Variants in TET2 observed in about 807,000 individuals in gnomAD.
The protein encoded by TET2 is methylcytosine dioxygenase TET2.
In TET2, 299 loss-of-function variants were observed where a neutral mutation model predicts 142.9. That is an observed-to-expected ratio of 2.09 (90% CI 1.90 to 2.30). The LOEUF (loss-of-function observed/expected upper bound fraction) is 2.30, where lower values mean the gene tolerates loss of function less well. Ranked by LOEUF, TET2 falls within the 30% of genes most tolerant of loss-of-function variation. TET2 has a pLI of 0.00. For synonymous variants in TET2, 819 were observed against 849.0 expected (o/e 0.96, Z 0.61); for missense variants, 2,418 against 2,378.0 (o/e 1.02, Z -0.35).
chr4:105,170,182 A>G (rs1174403788), intron 1 of TET2, among the ~76,000 whole-genome samples: 1 of 152,108 alleles, frequency 6.6e-6, no homozygotes, highest in African/African-American at 2.4e-5. Context: ...TGCTTTTCTT[A>G]AACAATTTTT....
chr4:105,201,365 T>C (rs1726454146), intron 2 of TET2, among the ~76,000 whole-genome samples: 1 of 152,238 alleles, frequency 6.6e-6, no homozygotes, highest in Non-Finnish European at 1.5e-5. Flanking sequence ...TGCAAGGTGT[T>C]TCCTAAAAAG....
chr4:105,172,596 C>T (rs907304400), intron 1 of TET2: 1 of 151,984 alleles, frequency 6.6e-6, no homozygotes, highest in Non-Finnish European at 1.5e-5. Context: ...TTAAGGTCAA[C>T]GGTATTTGTT....
intron 6 of TET2, among the ~76,000 whole-genome samples, chr4:105,255,588 T>A (rs1468444558): frequency 6.6e-6 from 1 of 152,208 alleles, no homozygotes; most frequent in Admixed American, 6.5e-5. Flanking sequence ...TAGTAAATTA[T>A]CTATTTATTC....
rs1728832637 is a variant in TET2, at chr4:105,235,758, A to G, written c.1816A>G (p.Thr606Ala). 3 of 1,614,114 alleles carry G rather than the reference A, an allele frequency of 1.9e-6. No individual in the cohort carries two copies. The highest frequency in any genetic ancestry group is 1.3e-5 in the African/African-American group (1 of 75,036). ...CAATCAAATGACCTCCAAACAATAC[A>G]CTGGAAATTCCAACATGCCTGGGGG... ...LSNQMTSKQY[T>A]GNSNMPGGLP... Residue 606 changes from threonine (T) to alanine (A), a missense_variant, in exon 3 of 11, where the codon ACT becomes GCT. Thr to Ala is a moderately conservative substitution (Grantham distance 58). Transcript: ENST00000380013.
At position 105,243,716 on chromosome 4, in the gene TET2, G is replaced by A; in HGVS notation, c.3741G>A (p.Glu1247=). The change falls in exon 6 of 11, where the codon GAG becomes GAA. Residue 1247 remains glutamate (E), a synonymous_variant. Coordinates refer to ENST00000380013, the MANE Select transcript of TET2 (RefSeq NM_001127208.3). The stretch of plus-strand genomic sequence containing the variant: ...CTCTGGCTGACAAACTCTACTCGGA[G>A]CTTACCGAGACGCTGAGGAAATACG... The part of the protein sequence containing the change: ...PLSLADKLYS[E]LTETLRKYGT... 6.4e-7 allele frequency: 1 copy of A among 1,551,532 alleles called. No homozygotes were observed. The highest frequency in any genetic ancestry group is 8.7e-7 in the Non-Finnish European group (1 of 1,146,910).
At chr4:105,265,800 A>G (rs1730654767) in intron 8 of TET2, among the ~76,000 whole-genome samples, 1 of 152,198 alleles carries the variant, frequency 6.6e-6, no homozygotes, top group Non-Finnish European at 1.5e-5. Context: ...AAGAAATTCA[A>G]GAGACAGTGG....
At chr4:105,240,987 GT>G (rs879536394) in intron 3 of TET2, 305 of 1,028,290 alleles carry the variant, frequency 3.0e-4, no homozygotes, top group Middle Eastern at 4.4e-4. Flanking sequence ...AGCTTTAAAT[GT>G]TTTTTTTTTC....
chr4:105,234,800 A>C lies in TET2; in HGVS notation c.858A>C (p.Pro286=), dbSNP rs763154189. 149 of 1,613,866 alleles carry C rather than the reference A, an allele frequency of 9.2e-5. 1 individual carries two copies. The East Asian group carries it at 3.3e-3, about 36-fold the overall frequency. Residue 286 remains proline (P), a synonymous_variant, in exon 3 of 11, where the codon CCA becomes CCC. Coordinates refer to ENST00000380013, the MANE Select transcript of TET2 (RefSeq NM_001127208.3). ...AGACCTCTAACTCTGAGCTGCCTCC[A>C]AAGCCAGCTGCAGTGGTGAGTGAGG... ...SAQTSNSELP[P]KPAAVVSEAC...
intron 2 of TET2, among the ~76,000 whole-genome samples, chr4:105,233,387 A>G (rs1178057808): frequency 6.7e-6 from 1 of 149,164 alleles, no homozygotes; most frequent in Non-Finnish European, 1.5e-5. Context: ...CCATCTCAAA[A>G]AAAAAAAAAA....
chr4:105,242,652 A>T, intron 4 of TET2, 182 bp from the exon 5 acceptor site: 1 of 1,352,850 alleles, frequency 7.4e-7, no homozygotes, highest in Non-Finnish European at 9.5e-7. Context: ...ATTGAGGAAA[A>T]ACAAGGCTTA....
chr4:105,201,652 G>T (rs1319877904), intron 2 of TET2, among the ~76,000 whole-genome samples: 1 of 147,982 alleles, frequency 6.8e-6, no homozygotes, highest in Non-Finnish European at 1.5e-5. Flanking sequence ...GTAATAGAAG[G>T]TTACCAAGTT....
At chr4:105,242,598 G>T (rs1729364308) in intron 4 of TET2, 1 of 1,230,234 alleles carries the variant, frequency 8.1e-7, no homozygotes. Flanking sequence ...TCACCCACAT[G>T]TAATTTACAA....
At chr4:105,169,606 T>A (rs996433015) in intron 1 of TET2, among the ~76,000 whole-genome samples, 5 of 152,194 alleles carry the variant, frequency 3.3e-5, no homozygotes, top group African/African-American at 9.6e-5. Context: ...TATTTATCTT[T>A]GTTTTTGTTG....
At chr4:105,217,157 TCATTTC>T (rs757562551) in intron 2 of TET2, among the ~76,000 whole-genome samples, 188 of 152,086 alleles carry the variant, frequency 1.2e-3, no homozygotes, top group South Asian at 7.5e-3. Context: ...ACCTTTCTCT[TCATTTC>T]AAAGGCATAA....
chr4:105,251,299 CCTTGT>C (rs1729857742), intron 6 of TET2, among the ~76,000 whole-genome samples: 1 of 152,036 alleles, frequency 6.6e-6, no homozygotes, highest in African/African-American at 2.4e-5. Flanking sequence ...CTGCAAACAT[CCTTGT>C]CTTATTCATT....
At chr4:105,256,956 G>T (rs1200196122) in intron 6 of TET2, among the ~76,000 whole-genome samples, 2 of 152,046 alleles carry the variant, frequency 1.3e-5, no homozygotes, top group Non-Finnish European at 2.9e-5. Flanking sequence ...TTAATAAAAT[G>T]CTGTAGTCTT....
At chr4:105,164,904 A>T (rs540698055) in intron 1 of TET2, among the ~76,000 whole-genome samples, 1 of 152,354 alleles carries the variant, frequency 6.6e-6, no homozygotes, top group Admixed American at 6.5e-5. Flanking sequence ...TCCTTTCATG[A>T]TCATCCTTTA....
intron 2 of TET2, among the ~76,000 whole-genome samples, chr4:105,204,255 A>ACG (rs1456568173): frequency 1.4e-5 from 2 of 146,774 alleles, no homozygotes; most frequent in Non-Finnish European, 3.0e-5. Context: ...ACACACACAC[A>ACG]CACACACACA....
intron 6 of TET2, among the ~76,000 whole-genome samples, chr4:105,244,529 GATAATCCTGT>G (rs1729477348): frequency 6.8e-6 from 1 of 146,980 alleles, no homozygotes; most frequent in Admixed American, 6.8e-5. Flanking sequence ...CTACTGTGCT[GATAATCCTGT>G]ATAACACTAA....
Sources: gnomAD v4.1 joint callset for allele counts (sites outside exome capture counted in the v4.1 genomes callset) on GRCh38, gnomAD v4.1.1 for gene constraint, MANE v1.5 for transcripts, NCBI Gene and HGNC (gene_info 2026-07-23, HGNC 2026-07-21) for gene names.